The following AP2B1 variants were observed in gnomAD, a reference collection of about 807,000 sequenced individuals.
The protein encoded by AP2B1 is AP-2 complex subunit beta.
Under a neutral mutation model 102.0 loss-of-function variants are expected in AP2B1, and 23 were observed. The ratio of observed to expected loss-of-function variants is 0.23; its 90% CI spans 0.16 to 0.32. The LOEUF is 0.32. Among genes scored for constraint, AP2B1 ranks in the 10% least tolerant of loss-of-function variants. The pLI is 1.00. For missense variants in AP2B1, 541 were observed against 1,157.4 expected, an observed-to-expected ratio of 0.47 and a Z score of 7.73; for synonymous variants, 381 against 421.2, an observed-to-expected ratio of 0.90 and a Z score of 1.17.
intron 9 of AP2B1, among the ~76,000 whole-genome samples, chr17:35,634,373 C>T (rs192846582): frequency 6.6e-6 from 1 of 151,986 alleles, no homozygotes; most frequent in Non-Finnish European, 1.5e-5. Flanking sequence ...GCAAGAATAC[C>T]TATTGGGTGA....
intron 4 of AP2B1, among the ~76,000 whole-genome samples, chr17:35,606,441 T>C (rs1473079046): frequency 6.6e-6 from 1 of 152,084 alleles, no homozygotes; most frequent in African/African-American, 2.4e-5. Flanking sequence ...GGTTTCACCA[T>C]GTTGGTCAGG....
At chr17:35,606,822 A>G (rs2073692267) in intron 4 of AP2B1, among the ~76,000 whole-genome samples, 1 of 152,240 alleles carries the variant, frequency 6.6e-6, no homozygotes, top group South Asian at 2.1e-4. Flanking sequence ...AAAAATGGAC[A>G]AAATATTTTC....
intron 14 of AP2B1, among the ~76,000 whole-genome samples, chr17:35,660,912 A>T (rs543324031): frequency 6.8e-4 from 103 of 152,322 alleles, no homozygotes; most frequent in Non-Finnish European, 1.2e-3. Context: ...CCCTGTAGGG[A>T]GAATAGTGTA....
intron 14 of AP2B1, chr17:35,659,877 G>A (rs185119349): frequency 7.1e-6 from 7 of 985,374 alleles, no homozygotes. Flanking sequence ...GGATCCGTAT[G>A]TGGTTAAATA....
At chr17:35,718,312 CTGTGTGTGTGTGTGTGTGTGTG>C (rs57852031) in intron 21 of AP2B1, among the ~76,000 whole-genome samples, 25 of 139,244 alleles carry the variant, frequency 1.8e-4, no homozygotes, top group Non-Finnish European at 3.1e-4. Flanking sequence ...GTTGGAGTAG[CTGTGTGTGTGTGTGTGTGTGTG>C]TGTGTGTGTG....
chr17:35,608,495 A>G, intron 5 of AP2B1, 108 bp downstream of exon 5: 1 of 1,321,684 alleles, frequency 7.6e-7, no homozygotes, highest in African/African-American at 1.5e-5. Context: ...TGGGGTAGCT[A>G]TGGGAAACAT....
intron 14 of AP2B1, among the ~76,000 whole-genome samples, chr17:35,664,547 A>T (rs1237833936): frequency 2.0e-5 from 3 of 152,206 alleles, no homozygotes; most frequent in African/African-American, 7.2e-5. Context: ...CCCTAATAAA[A>T]TGATTCACTT....
At chr17:35,693,466 C>T (rs913465254) in intron 18 of AP2B1, among the ~76,000 whole-genome samples, 3 of 152,074 alleles carry the variant, frequency 2.0e-5, no homozygotes, top group Non-Finnish European at 2.9e-5. Context: ...AAACATACTC[C>T]GTCTGAATTT....
intron 18 of AP2B1, among the ~76,000 whole-genome samples, chr17:35,702,818 A>G (rs2076262825): frequency 6.6e-6 from 1 of 152,216 alleles, no homozygotes; most frequent in Non-Finnish European, 1.5e-5. Flanking sequence ...TTTTACCACA[A>G]TGAGATACTA....
chr17:35,647,461 C>G (rs1039400874), intron 12 of AP2B1, among the ~76,000 whole-genome samples: 1 of 151,400 alleles, frequency 6.6e-6, no homozygotes. Flanking sequence ...TTTTTTAACC[C>G]GGGCATTTCA....
chr17:35,676,072 TCTGTA>T (rs2075695412), intron 17 of AP2B1, among the ~76,000 whole-genome samples: 1 of 152,192 alleles, frequency 6.6e-6, no homozygotes, highest in Non-Finnish European at 1.5e-5. Context: ...TTAAAATTTA[TCTGTA>T]GAAGAAATTA....
intron 14 of AP2B1, among the ~76,000 whole-genome samples, chr17:35,666,427 A>C (rs1486527721): frequency 6.6e-6 from 1 of 152,216 alleles, no homozygotes; most frequent in East Asian, 1.9e-4. Flanking sequence ...CACCACTAGC[A>C]GAAAATTTGG....
chr17:35,593,297 TAATTG>T (rs2073160242), intron 1 of AP2B1, among the ~76,000 whole-genome samples: 2 of 152,200 alleles, frequency 1.3e-5, no homozygotes, highest in Non-Finnish European at 2.9e-5. Context: ...TAAAAGAATG[TAATTG>T]AATTGTTTAT....
chr17:35,634,783 T>A, intron 9 of AP2B1, among the ~76,000 whole-genome samples: 1 of 152,232 alleles, frequency 6.6e-6, no homozygotes, highest in Non-Finnish European at 1.5e-5. Flanking sequence ...GAAAATATGC[T>A]TGAAAGCTCC....
intron 9 of AP2B1, among the ~76,000 whole-genome samples, chr17:35,633,980 C>T (rs2074536127): frequency 6.6e-6 from 1 of 152,076 alleles, no homozygotes; most frequent in African/African-American, 2.4e-5. Context: ...AACCCCGTCT[C>T]TACTAAAAAT....
chr17:35,695,835 T>C (rs2076131318), intron 18 of AP2B1, among the ~76,000 whole-genome samples: 2 of 152,182 alleles, frequency 1.3e-5, no homozygotes, highest in African/African-American at 4.8e-5. Context: ...CTGGCTGATA[T>C]GCCCTTGGTT....
intron 18 of AP2B1, among the ~76,000 whole-genome samples, chr17:35,707,655 G>A (rs770220833): frequency 4.6e-5 from 7 of 151,416 alleles, no homozygotes; most frequent in South Asian, 2.1e-4. Context: ...GTTTCTTCAC[G>A]TTGGCTAGGC....
At chr17:35,608,430 G>T in intron 5 of AP2B1, 43 bp downstream of exon 5, 1 of 1,609,094 alleles carries the variant, frequency 6.2e-7, no homozygotes, top group South Asian at 1.1e-5. Context: ...TATTTAAAAT[G>T]AGTCCCTTGT....
In AP2B1 at chr17:35,641,958, T is replaced by C. The variant is rs2074794750; in HGVS notation, c.1519T>C (p.Leu507=). ...AACACAGGAGCTAGTCCAGCAGGTCTTGAGTTTGGCAACACAGGTAAGAAA... is the reference window on the plus strand; with the variant it reads ...AACACAGGAGCTAGTCCAGCAGGTCCTGAGTTTGGCAACACAGGTAAGAAA... ...SETQELVQQV[L]SLATQDSDNP... is the part of the protein sequence containing the mutation. Residue 507 remains leucine (L), a synonymous_variant, in exon 12 of 22, where the codon TTG becomes CTG. Transcript: ENST00000610402. 2 of 1,612,064 alleles carry C rather than the reference T, an allele frequency of 1.2e-6. No homozygotes were observed. Among genetic ancestry groups the C allele is most frequent in the African/African-American group, 2.7e-5 (2 of 74,940 alleles).
Sources: allele counts gnomAD v4.1 joint callset (sites outside exome capture counted in the v4.1 genomes callset), GRCh38; gene constraint gnomAD v4.1.1; transcripts MANE v1.5; gene names NCBI Gene and HGNC (gene_info 2026-07-23, HGNC 2026-07-21).